RIPOR2: variants seen among roughly 807,000 people sequenced by gnomAD.
RIPOR2 encodes the protein RHO family interacting cell polarization regulator 2, also known as rho family-interacting cell polarization regulator 2.
In RIPOR2, 39 loss-of-function variants were observed where a neutral mutation model predicts 114.5. The observed-to-expected ratio is 0.34, with a 90% CI of 0.26 to 0.44. The LOEUF (loss-of-function observed/expected upper bound fraction) is 0.44. Ranked by LOEUF, RIPOR2 falls within the 20% of genes least tolerant of loss-of-function variation. The pLI is 1.00. For missense variants in RIPOR2, 1,007 were observed against 1,255.1 expected, an observed-to-expected ratio of 0.80 and a Z score of 2.99; for synonymous variants, 445 against 484.4, an observed-to-expected ratio of 0.92 and a Z score of 1.07.
chr6:24,968,727 A>G (rs1773645463), intron 1 of RIPOR2, among the ~76,000 whole-genome samples: 1 of 152,184 alleles, frequency 6.6e-6, no homozygotes, highest in Non-Finnish European at 1.5e-5. Context: ...CAGGACCCTG[A>G]GAGTGAGTCA....
intron 3 of RIPOR2, 96 bp downstream of exon 3, chr6:24,873,548 C>T (rs1765416849): frequency 2.6e-6 from 3 of 1,134,166 alleles, no homozygotes; most frequent in East Asian, 2.4e-5. Context: ...ATACCTCCTA[C>T]AGAAATAGAC....
chr6:24,918,193 C>G (rs1487149875), intron 1 of RIPOR2, among the ~76,000 whole-genome samples: 3 of 152,150 alleles, frequency 2.0e-5, no homozygotes, highest in African/African-American at 7.2e-5. Context: ...CCCCAGTATC[C>G]CCTGCATCCC....
At chr6:24,950,494 C>T (rs1321123493) in intron 1 of RIPOR2, among the ~76,000 whole-genome samples, 1 of 152,176 alleles carries the variant, frequency 6.6e-6, no homozygotes, top group Non-Finnish European at 1.5e-5. Flanking sequence ...CCCTAAGATA[C>T]TTGGGAGTAT....
At chr6:24,821,118 C>T (rs1484276923) in intron 19 of RIPOR2, among the ~76,000 whole-genome samples, 1 of 151,672 alleles carries the variant, frequency 6.6e-6, no homozygotes, top group East Asian at 1.9e-4. Flanking sequence ...GATGATCTGC[C>T]CTCCTCAGCC....
At chr6:24,971,265 T>G (rs776465357) in intron 1 of RIPOR2, among the ~76,000 whole-genome samples, 1 of 152,218 alleles carries the variant, frequency 6.6e-6, no homozygotes, top group Admixed American at 6.5e-5. Context: ...ATCATTGCCT[T>G]ACTGCCAAGA....
intron 9 of RIPOR2, among the ~76,000 whole-genome samples, chr6:24,852,055 T>A (rs565344785): frequency 7.3e-5 from 11 of 151,388 alleles, no homozygotes; most frequent in African/African-American, 1.7e-4. Context: ...AGGTCAGGAG[T>A]TCAAGACCAG....
chr6:24,992,286 G>A (rs896603330), intron 1 of RIPOR2, among the ~76,000 whole-genome samples: 5 of 151,966 alleles, frequency 3.3e-5, no homozygotes, highest in South Asian at 2.1e-4. Context: ...GTCTTATCAC[G>A]CAGAAGACAT....
At position 25,003,846 on chromosome 6, in the gene RIPOR2, C is replaced by T. The variant is rs1362235027; in HGVS notation, c.76+38005G>A. ...AACAGGTAAGTGCAAACTTCAGATA[C>T]TTACTTGTTCAAATAGTATTTTTGA... On this transcript the variant is annotated intron_variant, in intron 1 of 13. Coordinates refer to the RIPOR2 transcript ENST00000510784. Among the ~76,000 whole-genome samples the T allele has an allele frequency of 2.6e-5, 4 of 152,190 alleles. No individual in the cohort carries two copies. The South Asian group carries it at 6.2e-4, about 24-fold the overall frequency.
chr6:24,856,600 C>T (rs1003411795), intron 8 of RIPOR2, among the ~76,000 whole-genome samples: 2 of 152,078 alleles, frequency 1.3e-5, no homozygotes, highest in Admixed American at 6.6e-5. Flanking sequence ...ACTAAAAATA[C>T]AAAAATTAGC....
intron 8 of RIPOR2, among the ~76,000 whole-genome samples, chr6:24,857,799 G>A (rs1408726490): frequency 2.6e-5 from 4 of 152,198 alleles, no homozygotes; most frequent in Non-Finnish European, 5.9e-5. Flanking sequence ...ATAATTTGGA[G>A]AACTAGTTTG....
chr6:24,995,918 T>C (rs1775025482), intron 1 of RIPOR2, among the ~76,000 whole-genome samples: 1 of 151,340 alleles, frequency 6.6e-6, no homozygotes, highest in African/African-American at 2.4e-5. Context: ...TTCTCCTGCC[T>C]CAGCCTCCCT....
At chr6:24,943,856 T>A (rs182675278) in intron 1 of RIPOR2, among the ~76,000 whole-genome samples, 155 of 152,288 alleles carry the variant, frequency 1.0e-3, no homozygotes, top group Non-Finnish European at 1.8e-3. Context: ...TGTCTGGTGG[T>A]TCTCTGGAAG....
chr6:24,996,851 A>G (rs1396306746), intron 1 of RIPOR2, among the ~76,000 whole-genome samples: 2 of 152,248 alleles, frequency 1.3e-5, no homozygotes, highest in Non-Finnish European at 2.9e-5. Context: ...CCTAGAAGGC[A>G]GAGCCCTTAA....
Position 24,856,193 on chromosome 6 carries a change from A to T in RIPOR2, c.716-3575T>A, listed in dbSNP as rs139610222. ...CATCACTTGTCAGTAGGTGGCAGAAACTCACCAGCTCGTCCGTGCCTTCCT... is the reference window on the plus strand; with the variant it reads ...CATCACTTGTCAGTAGGTGGCAGAATCTCACCAGCTCGTCCGTGCCTTCCT... On this transcript the variant is annotated intron_variant, in intron 8 of 21. Coordinates refer to ENST00000643898, the MANE Select transcript of RIPOR2 (RefSeq NM_001286445.3). Among the ~76,000 whole-genome samples the T allele has an allele frequency of 7.8e-3, 1,191 of 152,066 alleles. 8 individuals are homozygous for T. Among genetic ancestry groups the T allele is most frequent in the Middle Eastern group, 0.048 (14 of 294 alleles).
chr6:24,864,713 A>G (rs1203225039), intron 7 of RIPOR2, among the ~76,000 whole-genome samples: 1 of 152,184 alleles, frequency 6.6e-6, no homozygotes, highest in Non-Finnish European at 1.5e-5. Context: ...GTTGGAAACC[A>G]GGAAAGCACA....
chr6:24,936,631 G>C (rs1771823083), upstream of RIPOR2, among the ~76,000 whole-genome samples: 1 of 152,124 alleles, frequency 6.6e-6, no homozygotes, highest in African/African-American at 2.4e-5. Context: ...CACTAAAGGA[G>C]AAAGAAGAAA....
intron 1 of RIPOR2, among the ~76,000 whole-genome samples, chr6:24,901,732 C>T (rs1011043385): frequency 1.3e-5 from 2 of 152,144 alleles, no homozygotes; most frequent in Middle Eastern, 3.2e-3. Flanking sequence ...ATCACCTCTC[C>T]TCCCTCCAGA....
chr6:24,935,105 C>T (rs1771672936), intron 1 of RIPOR2, among the ~76,000 whole-genome samples: 2 of 152,002 alleles, frequency 1.3e-5, no homozygotes, highest in Non-Finnish European at 2.9e-5. Context: ...GTCAGGATTT[C>T]AAGACCAGCC....
At chr6:24,998,872 C>T (rs892460199) in intron 1 of RIPOR2, among the ~76,000 whole-genome samples, 1 of 50,384 alleles carries the variant, frequency 2.0e-5, no homozygotes, top group Non-Finnish European at 4.7e-5. Context: ...ACTTTATATG[C>T]AGTCATTTTT....
Sources: gnomAD v4.1 joint callset for allele counts (sites outside exome capture counted in the v4.1 genomes callset) on GRCh38, gnomAD v4.1.1 for gene constraint, MANE v1.5 for transcripts, NCBI Gene and HGNC (gene_info 2026-07-23, HGNC 2026-07-21) for gene names.